Variants in NME7 observed in about 807,000 individuals in gnomAD.
The protein encoded by NME7 is nucleoside diphosphate kinase 7.
NME7 carries 41 observed loss-of-function variants against 49.1 expected under a neutral mutation model. That is an observed-to-expected ratio of 0.83 (90% CI 0.65 to 1.08). The LOEUF is 1.08. Among genes scored for constraint, NME7 ranks in the 50% least tolerant of loss-of-function variants. The pLI is 0.00. For synonymous variants in NME7, 139 were observed against 150.6 expected, an observed-to-expected ratio of 0.92 and a Z score of 0.56; for missense variants, 423 against 463.4, an observed-to-expected ratio of 0.91 and a Z score of 0.80.
intron 1 of NME7, among the ~76,000 whole-genome samples, chr1:169,347,175 G>A (rs1379483866): frequency 6.6e-6 from 1 of 152,126 alleles, no homozygotes; most frequent in African/African-American, 2.4e-5. Flanking sequence ...GCTCCAGCCT[G>A]ACCGACACAG....
At chr1:169,175,761 G>C (rs1557974074) in intron 10 of NME7, among the ~76,000 whole-genome samples, 1 of 152,046 alleles carries the variant, frequency 6.6e-6, no homozygotes, top group East Asian at 1.9e-4. Flanking sequence ...TGGACTACAG[G>C]ATAACTATGT....
At chr1:169,334,717 CTAAT>C (rs1449138053) in intron 1 of NME7, among the ~76,000 whole-genome samples, 1 of 151,914 alleles carries the variant, frequency 6.6e-6, no homozygotes, top group African/African-American at 2.4e-5. Context: ...ACAATAGGAT[CTAAT>C]TAATTAAACT....
At chr1:169,335,667 T>A (rs1318333091) in intron 1 of NME7, among the ~76,000 whole-genome samples, 1 of 149,138 alleles carries the variant, frequency 6.7e-6, no homozygotes, top group Non-Finnish European at 1.5e-5. Flanking sequence ...GTATCCTGAT[T>A]TTTTTAGAAG....
At chr1:169,283,259 G>A (rs907060215) in intron 7 of NME7, among the ~76,000 whole-genome samples, 4 of 151,862 alleles carry the variant, frequency 2.6e-5, no homozygotes, top group African/African-American at 4.8e-5. Context: ...TCAGAGATTC[G>A]GATTACAACT....
intron 7 of NME7, chr1:169,286,257 G>T (rs1558023411): frequency 6.6e-6 from 1 of 152,084 alleles, no homozygotes; most frequent in Non-Finnish European, 1.5e-5. Context: ...ATCTTCAGGT[G>T]ATGGGAATTC....
intron 1 of NME7, among the ~76,000 whole-genome samples, chr1:169,324,712 C>A (rs1440076888): frequency 6.6e-6 from 1 of 152,198 alleles, no homozygotes; most frequent in Non-Finnish European, 1.5e-5. Flanking sequence ...TTAGATATCT[C>A]AAAGATGACT....
rs188996690 is a variant in NME7, at chr1:169,302,905, T to C, written c.440+240A>G. On this transcript the variant is annotated intron_variant, in intron 5 of 11. Transcript: ENST00000367811. ...ATTTTAAAAGTTATCCTTCTTGTAA[T>C]GTAAACAAATCTTTCTATTTGCAAC... Among the ~76,000 whole-genome samples the C allele has an allele frequency of 2.7e-4, 41 of 152,344 alleles. No individual in the cohort carries two copies. In the East Asian group the frequency reaches 7.1e-3, roughly 26 times the overall value.
At chr1:169,194,051 A>G (rs1458890200) in intron 10 of NME7, among the ~76,000 whole-genome samples, 2 of 152,156 alleles carry the variant, frequency 1.3e-5, no homozygotes, top group African/African-American at 4.8e-5. Flanking sequence ...AAAAATAGCG[A>G]GGCAAAAAAG....
chr1:169,252,303 G>A (rs1367137812), intron 7 of NME7, among the ~76,000 whole-genome samples: 41 of 151,932 alleles, frequency 2.7e-4, no homozygotes, highest in Non-Finnish European at 4.9e-4. Flanking sequence ...GCATTTCTCT[G>A]ATGGCCAGTG....
chr1:169,348,896 C>A (rs1387023830), intron 1 of NME7, among the ~76,000 whole-genome samples: 49 of 147,368 alleles, frequency 3.3e-4, no homozygotes, highest in East Asian at 4.0e-4. Flanking sequence ...AGAGTTAACT[C>A]AAAAAAAAAA....
intron 3 of NME7, 29 bp downstream of exon 3, chr1:169,323,088 G>A: frequency 1.3e-6 from 2 of 1,488,582 alleles, no homozygotes; most frequent in Non-Finnish European, 8.9e-7. Context: ...GTTAGAGCAT[G>A]TAAAAAGATT....
At chr1:169,167,938 C>T (rs1207648194) in intron 11 of NME7, among the ~76,000 whole-genome samples, 1 of 152,288 alleles carries the variant, frequency 6.6e-6, no homozygotes, top group Non-Finnish European at 1.5e-5. Context: ...GGCTCCCATA[C>T]CTCACACCAG....
chr1:169,346,435 C>G (rs1424611397), intron 1 of NME7, among the ~76,000 whole-genome samples: 1 of 152,172 alleles, frequency 6.6e-6, no homozygotes, highest in Admixed American at 6.5e-5. Context: ...TGTCTTATTT[C>G]CTGGAATACT....
At chr1:169,225,816 T>C (rs1471380067) in intron 10 of NME7, among the ~76,000 whole-genome samples, 1 of 152,118 alleles carries the variant, frequency 6.6e-6, no homozygotes, top group Non-Finnish European at 1.5e-5. Context: ...GGGAAGAATA[T>C]GCCAAAAGCA....
At chr1:169,358,268 CA>C (rs1457153425) in intron 1 of NME7, among the ~76,000 whole-genome samples, 4 of 151,946 alleles carry the variant, frequency 2.6e-5, no homozygotes, top group African/African-American at 9.7e-5. Flanking sequence ...AAATTACTTT[CA>C]TATTAACTTA....
intron 1 of NME7, among the ~76,000 whole-genome samples, chr1:169,359,396 T>C (rs181955063): frequency 3.3e-5 from 5 of 151,918 alleles, no homozygotes; most frequent in Non-Finnish European, 5.9e-5. Flanking sequence ...GCAAAAGATA[T>C]ATTAAGTGGG....
At chr1:169,226,637 G>A (rs1647352596) in intron 10 of NME7, among the ~76,000 whole-genome samples, 1 of 152,156 alleles carries the variant, frequency 6.6e-6, no homozygotes, top group Non-Finnish European at 1.5e-5. Flanking sequence ...AAGATAATCA[G>A]TTCTTAGAAG....
At position 169,244,449 on chromosome 1, in the gene NME7, C is replaced by T. The variant is rs185679987; in HGVS notation, c.755-6762G>A. 3.5e-3 allele frequency among the ~76,000 whole-genome samples: 526 copies of T among 151,502 alleles called. 2 individuals carry two copies. Among genetic ancestry groups the T allele is most frequent in the Non-Finnish European group, 4.0e-3 (272 of 67,836 alleles). On this transcript the variant is annotated intron_variant, in intron 7 of 11. Coordinates refer to ENST00000367811, the MANE Select transcript of NME7 (RefSeq NM_013330.5). ...GAGATCGAGACCATCCTGGCTAACA[C>T]GGTGAAACCTCATCTCTACTAAACA...
chr1:169,198,745 AG>A (rs1660461281), intron 10 of NME7, among the ~76,000 whole-genome samples: 1 of 152,084 alleles, frequency 6.6e-6, no homozygotes, highest in African/African-American at 2.4e-5. Context: ...CAAAAGGTAT[AG>A]GGCTTGTTTT....
Sources: allele counts gnomAD v4.1 joint callset (sites outside exome capture counted in the v4.1 genomes callset), GRCh38; gene constraint gnomAD v4.1.1; transcripts MANE v1.5; gene names NCBI Gene and HGNC (gene_info 2026-07-23, HGNC 2026-07-21).